The following TSC22D1 variants were observed in gnomAD, a reference collection of about 807,000 sequenced individuals.
TSC22D1 encodes TSC22 domain family member 1, also known as TSC22 domain family protein 1.
TSC22D1 carries 9 observed loss-of-function variants against 74.2 expected under a neutral mutation model. That is an observed-to-expected ratio of 0.12 (90% CI 0.07 to 0.21). TSC22D1 has a LOEUF of 0.21. TSC22D1 is among the 10% of genes least tolerant of loss of function. The pLI is 1.00. For synonymous variants in TSC22D1, 586 were observed against 492.5 expected (o/e 1.19, Z -2.51); for missense variants, 1,427 against 1,304.7 (o/e 1.09, Z -1.44).
intron 1 of TSC22D1, among the ~76,000 whole-genome samples, chr13:44,443,933 G>A (rs1169031808): frequency 6.6e-6 from 1 of 151,874 alleles, no homozygotes; most frequent in Non-Finnish European, 1.5e-5. Context: ...GAGGAAAAGG[G>A]GAATAAAGAA....
chr13:44,558,337 T>G (rs916658267), intron 1 of TSC22D1, among the ~76,000 whole-genome samples: 1 of 152,166 alleles, frequency 6.6e-6, no homozygotes, highest in Non-Finnish European at 1.5e-5. Flanking sequence ...GTAAAAAAAA[T>G]TTTTGAATCA....
rs1036146939 is a variant in TSC22D1 at position 44,434,254 on chromosome 13, T to C, written c.*372A>G. On this transcript the variant is annotated 3_prime_UTR_variant, in exon 3 of 3. Coordinates refer to ENST00000458659, the MANE Select transcript of TSC22D1 (RefSeq NM_183422.4). ...GGAGCTCCATCGCTTCACAACCCCA[T>C]GTAGGACACTAAGCGCAAGCAGGAG... The C allele has an allele frequency of 7.1e-6, 10 of 1,403,380 alleles. No homozygotes were observed. The East Asian group carries it at 8.3e-5, about 12-fold the overall frequency. 86.9% of individuals were successfully genotyped at this position (1,403,380 alleles called of 1,614,324 possible). A position where few individuals can be genotyped will look rare whatever the true frequency, so the allele number is the denominator to read the frequency against.
chr13:44,465,104 G>A (rs1448387717), intron 1 of TSC22D1, among the ~76,000 whole-genome samples: 1 of 152,188 alleles, frequency 6.6e-6, no homozygotes, highest in African/African-American at 2.4e-5. Context: ...GCTGCAGAAT[G>A]AGGTATTTAG....
intron 1 of TSC22D1, among the ~76,000 whole-genome samples, chr13:44,438,545 C>CA (rs1430632359): frequency 6.6e-6 from 1 of 152,130 alleles, no homozygotes; most frequent in Non-Finnish European, 1.5e-5. Context: ...GGTTAAAAAC[C>CA]AAAGTGTGAC....
intron 1 of TSC22D1, among the ~76,000 whole-genome samples, chr13:44,541,888 C>T (rs1881492147): frequency 6.6e-6 from 1 of 152,032 alleles, no homozygotes; most frequent in Non-Finnish European, 1.5e-5. Context: ...TTTCACAGTA[C>T]CTATATGGTG....
intron 1 of TSC22D1, among the ~76,000 whole-genome samples, chr13:44,497,302 G>A (rs1052968724): frequency 6.6e-6 from 1 of 152,308 alleles, no homozygotes; most frequent in African/African-American, 2.4e-5. Context: ...AGGTCACATA[G>A]TATATGATTT....
chr13:44,574,790 A>T lies in TSC22D1; in HGVS notation c.1285T>A (p.Phe429Ile). The T allele has an allele frequency of 6.2e-7, 1 of 1,613,942 alleles. No homozygotes were observed. The highest frequency in any genetic ancestry group is 8.5e-7 in the Non-Finnish European group (1 of 1,180,008). The change falls in exon 1 of 3, where the codon TTC (phenylalanine) becomes ATC (isoleucine). Residue 429 changes from phenylalanine (F) to isoleucine (I), a missense_variant. This residue lies in a region of TSC22D1 where 1,343 missense variants were observed against 1,191.5 expected (regional missense o/e 1.13). Coordinates refer to ENST00000458659, the MANE Select transcript of TSC22D1 (RefSeq NM_183422.4). ...FKKGRWTCTEFYEKENAVPAT... is the reference protein window; with the variant it reads ...FKKGRWTCTEIYEKENAVPAT... ...GGTACAGCATTTTCTTTTTCATAGA[A>T]CTCAGTGCAAGTCCATCTACCTTTT...
chr13:44,534,800 T>C (rs902740688), intron 1 of TSC22D1, among the ~76,000 whole-genome samples: 8 of 152,186 alleles, frequency 5.3e-5, no homozygotes, highest in African/African-American at 1.9e-4. Flanking sequence ...TAGATTTTAA[T>C]ACAAACAGCC....
chr13:44,455,454 G>T (rs567114222), intron 1 of TSC22D1, among the ~76,000 whole-genome samples: 214 of 152,254 alleles, frequency 1.4e-3, no homozygotes, highest in Non-Finnish European at 2.2e-3. Context: ...CCATCATTAT[G>T]GTACACGGTG....
rs1874331852 is a variant in TSC22D1 at position 44,434,337 on chromosome 13, C to T, written c.*289G>A. The T allele has an allele frequency of 1.4e-5, 19 of 1,377,880 alleles. No individual in the cohort carries two copies. Among genetic ancestry groups the T allele is most frequent in the Non-Finnish European group, 1.7e-5 (18 of 1,075,446 alleles). The allele number at this position is 1,377,880 out of a possible 1,614,324, so 85.4% of individuals were successfully genotyped here. A position where few individuals can be genotyped will look rare whatever the true frequency, so the allele number is the denominator to read the frequency against. On this transcript the variant is annotated 3_prime_UTR_variant, in exon 3 of 3. Coordinates refer to ENST00000458659, the MANE Select transcript of TSC22D1 (RefSeq NM_183422.4). ...GGAAGGGATGGAAAGGCACACAGCT[C>T]CTGAGCATGAATTAAACCATTTCTC...
intron 1 of TSC22D1, among the ~76,000 whole-genome samples, chr13:44,443,595 T>TCCCA (rs1379594875): frequency 6.6e-6 from 1 of 152,168 alleles, no homozygotes; most frequent in Non-Finnish European, 1.5e-5. Flanking sequence ...ATACCTGTAG[T>TCCCA]CCCAGCTTCT....
chr13:44,551,391 T>TGGGG (rs775177585), intron 1 of TSC22D1, among the ~76,000 whole-genome samples: 2 of 51,470 alleles, frequency 3.9e-5, no homozygotes, highest in East Asian at 1.2e-3. Context: ...ATCAGATGGG[T>TGGGG]GTGTGTGTGT....
intron 1 of TSC22D1, among the ~76,000 whole-genome samples, chr13:44,526,479 G>T (rs1277368289): frequency 8.4e-5 from 12 of 142,304 alleles, no homozygotes; most frequent in African/African-American, 3.1e-4. Flanking sequence ...GAAAAGCAAA[G>T]AAAAAAAAAA....
intron 1 of TSC22D1, among the ~76,000 whole-genome samples, chr13:44,439,873 T>G (rs747662505): frequency 3.9e-5 from 6 of 152,200 alleles, no homozygotes; most frequent in Non-Finnish European, 7.3e-5. Flanking sequence ...AAACTTAATC[T>G]GACTTGGCCA....
chr13:44,556,518 T>C (rs1319624359), intron 1 of TSC22D1, among the ~76,000 whole-genome samples: 2 of 148,530 alleles, frequency 1.3e-5, no homozygotes, highest in African/African-American at 5.0e-5. Flanking sequence ...TGCACTCCAG[T>C]CTGGGTGAGA....
At chr13:44,480,460 AATAATT>A (rs1392825287) in intron 1 of TSC22D1, among the ~76,000 whole-genome samples, 1 of 151,950 alleles carries the variant, frequency 6.6e-6, no homozygotes, top group Non-Finnish European at 1.5e-5. Context: ...ACATGAATCA[AATAATT>A]ATAATATAGG....
chr13:44,566,673 C>A (rs534465919), intron 1 of TSC22D1, among the ~76,000 whole-genome samples: 1 of 152,172 alleles, frequency 6.6e-6, no homozygotes, highest in African/African-American at 2.4e-5. Context: ...CCTAAAACCC[C>A]ACTAAAATGA....
chr13:44,512,802 AT>A (rs1445651346), intron 1 of TSC22D1, among the ~76,000 whole-genome samples: 2 of 152,108 alleles, frequency 1.3e-5, no homozygotes, highest in Non-Finnish European at 1.5e-5. Flanking sequence ...GGCGTGCGCC[AT>A]CACGCCCAGC....
intron 1 of TSC22D1, among the ~76,000 whole-genome samples, chr13:44,569,095 T>C (rs1883573121): frequency 6.6e-6 from 1 of 152,208 alleles, no homozygotes; most frequent in South Asian, 2.1e-4. Flanking sequence ...AATACCTACA[T>C]AGGGCATGTG....
Sources: gnomAD v4.1 joint callset for allele counts (sites outside exome capture counted in the v4.1 genomes callset) on GRCh38, gnomAD v4.1.1 for gene constraint, gnomAD v4.1.1 regional missense constraint, MANE v1.5 for transcripts, NCBI Gene and HGNC (gene_info 2026-07-23, HGNC 2026-07-21) for gene names.